Variants in CLCN3 observed in about 807,000 individuals in gnomAD.
CLCN3 encodes H(+)/Cl(-) exchange transporter 3.
CLCN3 carries 16 observed loss-of-function variants against 83.4 expected under a neutral mutation model. The ratio of observed to expected loss-of-function variants is 0.19; its 90% CI spans 0.13 to 0.29. The LOEUF (loss-of-function observed/expected upper bound fraction) is 0.29, where lower values mean the gene tolerates loss of function less well. Among genes scored for constraint, CLCN3 ranks in the 10% least tolerant of loss-of-function variants. The probability of loss-of-function intolerance (pLI) is 1.00; values close to 1 mark genes in which losing one functional copy is unlikely to be tolerated. For missense variants in CLCN3, 544 were observed against 1,006.0 expected (o/e 0.54, Z 6.21); for synonymous variants, 322 against 346.2 (o/e 0.93, Z 0.78).
intron 1 of CLCN3, among the ~76,000 whole-genome samples, chr4:169,632,679 T>A (rs1489746799): frequency 4.0e-5 from 5 of 123,548 alleles, no homozygotes; most frequent in Non-Finnish European, 7.8e-5. Context: ...ATCGCGCCAC[T>A]GCACTCCAGC....
chr4:169,665,980 G>GTT (rs71590023), intron 2 of CLCN3, among the ~76,000 whole-genome samples: 181 of 145,050 alleles, frequency 1.2e-3, no homozygotes, highest in Middle Eastern at 3.6e-3. Context: ...AGGTTGTGTT[G>GTT]TTTTTTTTTT....
intron 11 of CLCN3, among the ~76,000 whole-genome samples, chr4:169,712,678 A>C (rs1733268090): frequency 1.3e-5 from 2 of 152,242 alleles, no homozygotes; most frequent in Admixed American, 1.3e-4. Flanking sequence ...CAGAATAAGT[A>C]ACATTCAGCA....
intron 2 of CLCN3, among the ~76,000 whole-genome samples, chr4:169,645,853 C>T (rs892347954): frequency 1.3e-5 from 2 of 152,124 alleles, no homozygotes; most frequent in Non-Finnish European, 2.9e-5. Context: ...CTGGGTGTTG[C>T]TTCTATTGTG....
chr4:169,703,945 A>C (rs2150263471), intron 9 of CLCN3, 53 bp from the exon 10 acceptor site: 1 of 1,519,366 alleles, frequency 6.6e-7, no homozygotes, highest in Non-Finnish European at 9.1e-7. Context: ...TGTAAGTTTC[A>C]GGCATGTGAG....
At chr4:169,702,277 T>C (rs1271499012) in intron 9 of CLCN3, among the ~76,000 whole-genome samples, 1 of 152,164 alleles carries the variant, frequency 6.6e-6, no homozygotes, top group Non-Finnish European at 1.5e-5. Flanking sequence ...AGCTACCTGC[T>C]GTAACAAAAG....
At chr4:169,682,575 A>G (rs1414628289) in intron 3 of CLCN3, among the ~76,000 whole-genome samples, 1 of 152,196 alleles carries the variant, frequency 6.6e-6, no homozygotes, top group African/African-American at 2.4e-5. Flanking sequence ...TTAGGACATA[A>G]CTTCATACAT....
chr4:169,674,085 T>C (rs1731584254), intron 2 of CLCN3, among the ~76,000 whole-genome samples: 2 of 152,222 alleles, frequency 1.3e-5, no homozygotes, highest in South Asian at 4.1e-4. Context: ...GTTGTCCCAC[T>C]GTGTCCTTTA....
intron 1 of CLCN3, among the ~76,000 whole-genome samples, chr4:169,631,389 C>T (rs1027634247): frequency 2.0e-5 from 3 of 152,136 alleles, no homozygotes; most frequent in Admixed American, 6.5e-5. Context: ...TGGTTTCACG[C>T]CATTCTCCTG....
chr4:169,702,777 CAAAAAAAAA>C (rs60812626), intron 9 of CLCN3: 5 of 246,430 alleles, frequency 2.0e-5, no homozygotes, highest in South Asian at 1.2e-4. Context: ...CCCATCTCTA[CAAAAAAAAA>C]AAAAAAAAAA....
At chr4:169,677,168 C>T (rs1199101866) in intron 2 of CLCN3, among the ~76,000 whole-genome samples, 1 of 151,532 alleles carries the variant, frequency 6.6e-6, no homozygotes, top group Non-Finnish European at 1.5e-5. Context: ...TATATTGCAC[C>T]TGGAAGTTAG....
intron 3 of CLCN3, among the ~76,000 whole-genome samples, chr4:169,683,770 G>A (rs557276816): frequency 1.4e-5 from 2 of 145,806 alleles, no homozygotes; most frequent in South Asian, 2.1e-4. Context: ...TTTAAGCAGA[G>A]TCTTGCTCTT....
chr4:169,667,387 T>C (rs373502494), intron 2 of CLCN3, among the ~76,000 whole-genome samples: 2 of 152,210 alleles, frequency 1.3e-5, no homozygotes, highest in East Asian at 3.8e-4. Flanking sequence ...TTTAAGTCTT[T>C]ATGTTTAGAT....
In CLCN3 at chr4:169,720,310, C is replaced by T. The variant is rs901697128; in HGVS notation, c.*313C>T. On this transcript the variant is annotated 3_prime_UTR_variant, in exon 13 of 13. Transcript: ENST00000513761. ...TGTGCCTGATAGTGCAGGCTTGCGC[C>T]TCAACAGAGATGACAGCAGAGTCCT... 6 of 379,048 alleles carry T rather than the reference C, an allele frequency of 1.6e-5. No homozygotes were observed. The highest frequency in any genetic ancestry group is 2.8e-5 in the Non-Finnish European group (6 of 212,184). The allele number at this position is 379,048 out of a possible 1,614,324, so 23.5% of individuals were successfully genotyped here.
intron 2 of CLCN3, chr4:169,663,503 A>C (rs1731138591): frequency 3.5e-6 from 1 of 289,670 alleles, no homozygotes; most frequent in Non-Finnish European, 6.8e-6. Context: ...CTAATTTAAA[A>C]AACAAAATTT....
At chr4:169,648,774 C>T (rs890051165) in intron 2 of CLCN3, among the ~76,000 whole-genome samples, 5 of 152,148 alleles carry the variant, frequency 3.3e-5, no homozygotes, top group Admixed American at 3.3e-4. Context: ...TGCCTATAAT[C>T]CCAGCACTTT....
At chr4:169,643,236 A>G (rs1730473746) in intron 2 of CLCN3, 1 of 152,134 alleles carries the variant, frequency 6.6e-6, no homozygotes, top group Non-Finnish European at 1.5e-5. Flanking sequence ...AATAAAATAT[A>G]TATATATTTT....
At position 169,720,077 on chromosome 4, in the gene CLCN3, CA is replaced by C; in HGVS notation, c.*81del. ...GCACAACTCTTTAACCTGAGGGAGT[CA>C]TCTACTTTTTTTTCCTCCTTTACAA... On this transcript the variant is annotated 3_prime_UTR_variant, in exon 13 of 13. Coordinates refer to ENST00000513761, the MANE Select transcript of CLCN3 (RefSeq NM_001829.4). 1 of 1,556,690 alleles carries C rather than the reference CA, an allele frequency of 6.4e-7. No individual in the cohort carries two copies. Among genetic ancestry groups the C allele is most frequent in the Non-Finnish European group, 8.7e-7 (1 of 1,154,544 alleles).
chr4:169,658,964 T>A (rs1292206412), intron 2 of CLCN3, among the ~76,000 whole-genome samples: 1 of 152,146 alleles, frequency 6.6e-6, no homozygotes, highest in Non-Finnish European at 1.5e-5. Context: ...CTCCACAAAT[T>A]GAAGAGAATT....
At chr4:169,643,870 A>T (rs1425243096) in intron 2 of CLCN3, among the ~76,000 whole-genome samples, 1 of 152,160 alleles carries the variant, frequency 6.6e-6, no homozygotes, top group East Asian at 1.9e-4. Flanking sequence ...TTGAGAGCTC[A>T]AATTTTTTTT....
Sources: allele counts gnomAD v4.1 joint callset (sites outside exome capture counted in the v4.1 genomes callset), GRCh38; gene constraint gnomAD v4.1.1; transcripts MANE v1.5; gene names NCBI Gene and HGNC (gene_info 2026-07-23, HGNC 2026-07-21).